PPP3CA: variants seen among roughly 807,000 people sequenced by gnomAD.
The protein encoded by PPP3CA is protein phosphatase 3 catalytic subunit alpha, also known as CAM-PRP catalytic subunit.
A neutral mutation model predicts 66.5 loss-of-function variants in PPP3CA; 14 were observed. That is an observed-to-expected ratio of 0.21 (90% CI 0.14 to 0.33). PPP3CA has a LOEUF of 0.33. Ranked by LOEUF, PPP3CA falls within the 10% of genes least tolerant of loss-of-function variation. The pLI is 1.00. For missense variants in PPP3CA, 317 were observed against 639.5 expected (o/e 0.50, Z 5.44); for synonymous variants, 232 against 226.2 (o/e 1.03, Z -0.23).
chr4:101,154,020 A>C (rs920992401), intron 2 of PPP3CA, among the ~76,000 whole-genome samples: 18 of 152,224 alleles, frequency 1.2e-4, no homozygotes, highest in Non-Finnish European at 2.5e-4. Flanking sequence ...TTAAAAGAAA[A>C]AAATTTCCAA....
intron 1 of PPP3CA, among the ~76,000 whole-genome samples, chr4:101,308,443 T>C (rs1157077314): frequency 6.6e-6 from 1 of 152,058 alleles, no homozygotes; most frequent in African/African-American, 2.4e-5. Flanking sequence ...TCCCCTTACA[T>C]GTAATATTTC....
At chr4:101,324,873 T>G (rs554443942) in intron 1 of PPP3CA, among the ~76,000 whole-genome samples, 3 of 152,344 alleles carry the variant, frequency 2.0e-5, no homozygotes, top group African/African-American at 7.2e-5. Flanking sequence ...GACTCTCATT[T>G]GGCATCATTT....
intron 1 of PPP3CA, among the ~76,000 whole-genome samples, chr4:101,311,328 C>G (rs1728715353): frequency 6.6e-6 from 1 of 152,138 alleles, no homozygotes; most frequent in Admixed American, 6.6e-5. Flanking sequence ...TTACAACCAG[C>G]CCTATCAGCT....
chr4:101,286,867 T>C (rs1727861294), intron 1 of PPP3CA, among the ~76,000 whole-genome samples: 1 of 152,210 alleles, frequency 6.6e-6, no homozygotes, highest in South Asian at 2.1e-4. Flanking sequence ...AGCTGTCACC[T>C]GTGACAGAGT....
At chr4:101,085,124 T>A (rs749291042) in intron 6 of PPP3CA, among the ~76,000 whole-genome samples, 1 of 152,254 alleles carries the variant, frequency 6.6e-6, no homozygotes, top group East Asian at 1.9e-4. Flanking sequence ...TTGGTATATA[T>A]TAGCTATAAA....
At chr4:101,074,896 G>A (rs1729114865) in intron 8 of PPP3CA, among the ~76,000 whole-genome samples, 1 of 152,216 alleles carries the variant, frequency 6.6e-6, no homozygotes, top group South Asian at 2.1e-4. Flanking sequence ...ACATACCTGA[G>A]ACTGGGTAAT....
intron 1 of PPP3CA, among the ~76,000 whole-genome samples, chr4:101,230,330 A>G (rs1725919943): frequency 6.6e-6 from 1 of 151,066 alleles, no homozygotes; most frequent in South Asian, 2.1e-4. Context: ...CAGACTTTAT[A>G]TCATTAATTT....
chr4:101,038,961 A>T (rs1243547977), intron 11 of PPP3CA, among the ~76,000 whole-genome samples: 1 of 152,202 alleles, frequency 6.6e-6, no homozygotes, highest in Non-Finnish European at 1.5e-5. Flanking sequence ...ATAGTCATGG[A>T]AATTCTAGAG....
At chr4:101,145,835 C>T (rs972450667) in intron 2 of PPP3CA, among the ~76,000 whole-genome samples, 1 of 152,104 alleles carries the variant, frequency 6.6e-6, no homozygotes, top group African/African-American at 2.4e-5. Context: ...GAAGTTGACA[C>T]ATGGCTGTAA....
chr4:101,085,668 C>A (rs570873367), intron 6 of PPP3CA, among the ~76,000 whole-genome samples: 3 of 152,234 alleles, frequency 2.0e-5, no homozygotes, highest in Non-Finnish European at 4.4e-5. Context: ...CTAGACAATA[C>A]TTGAATATCA....
intron 1 of PPP3CA, among the ~76,000 whole-genome samples, chr4:101,249,976 A>T (rs1726621660): frequency 6.6e-6 from 1 of 152,160 alleles, no homozygotes; most frequent in Admixed American, 6.5e-5. Context: ...AGTGCTAGCC[A>T]TTTAACATTA....
intron 1 of PPP3CA, among the ~76,000 whole-genome samples, chr4:101,202,423 G>A (rs2110196933): frequency 6.6e-6 from 1 of 152,158 alleles, no homozygotes; most frequent in African/African-American, 2.4e-5. Flanking sequence ...GAGCAATTAG[G>A]TTTAACTTAT....
At chr4:101,074,533 T>C (rs886426852) in intron 8 of PPP3CA, among the ~76,000 whole-genome samples, 1 of 152,194 alleles carries the variant, frequency 6.6e-6, no homozygotes, top group African/African-American at 2.4e-5. Flanking sequence ...GCATCGGATA[T>C]GTTACATCTG....
chr4:101,106,410 A>AAAGG, intron 3 of PPP3CA, among the ~76,000 whole-genome samples: 1 of 10,218 alleles, frequency 9.8e-5, no homozygotes, highest in Non-Finnish European at 2.1e-4. Flanking sequence ...AGAAAGAAAG[A>AAAGG]AAGAAAGAAA....
At chr4:101,068,615 C>T (rs919836117) in intron 8 of PPP3CA, among the ~76,000 whole-genome samples, 6 of 151,854 alleles carry the variant, frequency 4.0e-5, no homozygotes, top group African/African-American at 1.2e-4. Context: ...GCATACTTTT[C>T]CGTAGTATAT....
At chr4:101,331,700 T>G (rs1042671535) in intron 1 of PPP3CA, among the ~76,000 whole-genome samples, 3 of 152,160 alleles carry the variant, frequency 2.0e-5, no homozygotes, top group Non-Finnish European at 4.4e-5. Flanking sequence ...CAATCAACTT[T>G]TATTATATGC....
chr4:101,255,320 G>T (rs1037713151), intron 1 of PPP3CA, among the ~76,000 whole-genome samples: 1 of 151,834 alleles, frequency 6.6e-6, no homozygotes, highest in Non-Finnish European at 1.5e-5. Flanking sequence ...GTAAGAAAGA[G>T]ATACGCTACT....
intron 1 of PPP3CA, among the ~76,000 whole-genome samples, chr4:101,224,984 C>G (rs1347327066): frequency 6.6e-6 from 1 of 151,702 alleles, no homozygotes; most frequent in Admixed American, 6.6e-5. Flanking sequence ...CTCTCCTCTC[C>G]GAAATTCCCA....
At chr4:101,170,836 T>A (rs897985379) in intron 2 of PPP3CA, among the ~76,000 whole-genome samples, 2 of 152,186 alleles carry the variant, frequency 1.3e-5, no homozygotes, top group Non-Finnish European at 2.9e-5. Context: ...TAAACTCTTA[T>A]TTATTGAGCA....
Sources: allele counts gnomAD v4.1 joint callset (sites outside exome capture counted in the v4.1 genomes callset), GRCh38; gene constraint gnomAD v4.1.1; transcripts MANE v1.5; gene names NCBI Gene and HGNC (gene_info 2026-07-23, HGNC 2026-07-21).